FAM171A2: variants seen among roughly 807,000 people sequenced by gnomAD.
FAM171A2 encodes the protein family with sequence similarity 171 member A2, also known as protein FAM171A2.
In FAM171A2, 13 loss-of-function variants were observed where a neutral mutation model predicts 34.2. The observed-to-expected ratio is 0.38, with a 90% CI of 0.25 to 0.60. FAM171A2 has a LOEUF of 0.60. Ranked by LOEUF, FAM171A2 falls within the 20% of genes least tolerant of loss-of-function variation. FAM171A2 has a pLI of 0.62. For synonymous variants in FAM171A2, 475 were observed against 561.2 expected (o/e 0.85, Z 2.17); for missense variants, 950 against 1,180.7 (o/e 0.80, Z 2.86).
chr17:44,354,538 C>T lies in FAM171A2; in HGVS notation c.1676G>A (p.Gly559Asp). 8.5e-7 allele frequency: 1 copy of T among 1,182,008 alleles called. No individual in the cohort carries two copies. Among genetic ancestry groups the T allele is most frequent in the South Asian group, 4.2e-5 (1 of 23,970 alleles). The allele number at this position is 1,182,008 out of a possible 1,614,324, so 73.2% of individuals were successfully genotyped here. A position where few individuals can be genotyped will look rare whatever the true frequency, so the allele number is the denominator to read the frequency against. ...GCCCTCCGGCGGGGCCGGCTCGTCG[C>T]CCACGCCGGCGGCGCCCGCCTCGCC... ...LGGEAGAAGVGDEPAPPEGTA... is the reference protein window; with the variant it reads ...LGGEAGAAGVDDEPAPPEGTA... Residue 559 changes from glycine (G) to aspartate (D), a missense_variant, in exon 8 of 8, where the codon GGC becomes GAC. Physicochemically the swap from Gly to Asp is moderately conservative, Grantham distance 94. Coordinates refer to ENST00000293443, the MANE Select transcript of FAM171A2 (RefSeq NM_198475.3). The surrounding 1 kb of genome is among the most constrained non-coding windows in gnomAD (Gnocchi z 5.8).
chr17:44,359,828 C>T, intron 2 of FAM171A2, 77 bp downstream of exon 2: 1 of 1,451,022 alleles, frequency 6.9e-7, no homozygotes, highest in Non-Finnish European at 9.3e-7. Flanking sequence ...CCCCTCCACC[C>T]CCAAGGAGAC....
At chr17:44,359,172 C>CGA (rs1371706040) in intron 3 of FAM171A2, 2 of 186,064 alleles carry the variant, frequency 1.1e-5, no homozygotes, top group Non-Finnish European at 2.2e-5. Flanking sequence ...ACTAGCTGAG[C>CGA]GAGACCAAAA....
Position 44,353,557 on chromosome 17 carries a change from C to T in FAM171A2, c.*176G>A. ...CCCTCCTCCCCGGCTTGGAGGCAGA[C>T]ACAGGGTCCCTTGCAAGACACGACC... On this transcript the variant is annotated 3_prime_UTR_variant, in exon 8 of 8. Transcript: ENST00000293443. The T allele has an allele frequency of 2.6e-6, 1 of 386,294 alleles. No individual in the cohort carries two copies. The highest frequency in any genetic ancestry group is 4.1e-6 in the Non-Finnish European group (1 of 243,940). The allele number at this position is 386,294 out of a possible 1,614,324, so 23.9% of individuals were successfully genotyped here.
At chr17:44,357,759 T>TGGGGGGGG (rs2048431367) in intron 3 of FAM171A2, among the ~76,000 whole-genome samples, 5 of 74,476 alleles carry the variant, frequency 6.7e-5, no homozygotes, top group African/African-American at 3.6e-4. Flanking sequence ...GTGTGTGTGT[T>TGGGGGGGG]GGGGTGGAGG....
chr17:44,363,748 C>G lies in FAM171A2; in HGVS notation c.-34G>C, dbSNP rs2048458052. The G allele has an allele frequency of 9.4e-7, 1 of 1,058,628 alleles. No individual in the cohort carries two copies. Among genetic ancestry groups the G allele is most frequent in the South Asian group, 4.8e-5 (1 of 21,014 alleles). 65.6% of individuals were successfully genotyped at this position (1,058,628 alleles called of 1,614,324 possible). On this transcript the variant is annotated 5_prime_UTR_variant, in exon 1 of 8. Coordinates refer to ENST00000293443, the MANE Select transcript of FAM171A2 (RefSeq NM_198475.3). ...TAGGCCGGGCCCTAGCGGTCCATGG[C>G]TCCCGCCTGGTCCCGCTCGCCCGGC...
At chr17:44,358,603 A>G (rs1444933011) in intron 3 of FAM171A2, among the ~76,000 whole-genome samples, 2 of 152,034 alleles carry the variant, frequency 1.3e-5, no homozygotes, top group African/African-American at 4.8e-5. Context: ...AGGCAGGAGA[A>G]TCCCTTGAAC....
At chr17:44,361,373 G>A (rs1370088268) in intron 1 of FAM171A2, among the ~76,000 whole-genome samples, 3 of 152,316 alleles carry the variant, frequency 2.0e-5, no homozygotes, top group Non-Finnish European at 2.9e-5. Flanking sequence ...TGGGAAGTGG[G>A]CTGAGTGCTG....
At position 44,354,452 on chromosome 17, in the gene FAM171A2, C is replaced by A; in HGVS notation, c.1762G>T (p.Gly588Cys). Residue 588 changes from glycine to cysteine, a missense_variant, in exon 8 of 8, where the codon GGC becomes TGC. Around this residue, in one of 3 missense-constraint regions of FAM171A2, gnomAD observed 752 missense variants for 924.5 expected, o/e 0.81. Transcript: ENST00000293443. The surrounding 1 kb of genome is among the most constrained non-coding windows in gnomAD (Gnocchi z 5.8). ...QPDPQRPQMP[G>C]HSGPGGEGGG... ...CCCTCGCCCCCCGGGCCCGAGTGGC[C>A]CGGCATCTGCGGGCGCTGGGGGTCG... The A allele has an allele frequency of 9.1e-7, 1 of 1,094,370 alleles. No homozygotes were observed. Among genetic ancestry groups the A allele is most frequent in the Non-Finnish European group, 1.1e-6 (1 of 897,718 alleles). The allele number at this position is 1,094,370 out of a possible 1,614,324, so 67.8% of individuals were successfully genotyped here. A position where few individuals can be genotyped will look rare whatever the true frequency, so the allele number is the denominator to read the frequency against.
rs1024595336 is a variant in FAM171A2, at chr17:44,353,302, C to G, written c.*431G>C. 9 of 188,608 alleles carry G rather than the reference C, an allele frequency of 4.8e-5. No homozygotes were observed. Among genetic ancestry groups the G allele is most frequent in the Non-Finnish European group, 6.7e-5 (6 of 89,890 alleles). The allele number at this position is 188,608 out of a possible 1,614,324, so 11.7% of individuals were successfully genotyped here. ...CCCCAGAGCTGTCCCAGCCACCAGCCCTGTGACATCGTAGCCCAGAGATGG... is the reference window on the plus strand; with the variant it reads ...CCCCAGAGCTGTCCCAGCCACCAGCGCTGTGACATCGTAGCCCAGAGATGG... On this transcript the variant is annotated 3_prime_UTR_variant, in exon 8 of 8. Transcript: ENST00000293443.
intron 1 of FAM171A2, among the ~76,000 whole-genome samples, chr17:44,360,913 C>A (rs926078037): frequency 1.3e-5 from 2 of 152,360 alleles, no homozygotes; most frequent in South Asian, 4.1e-4. Context: ...CCTCCTCCCC[C>A]TCACATGAAC....
In FAM171A2 at chr17:44,353,527, A is replaced by AC. The variant is rs140215238; in HGVS notation, c.*205dup. On this transcript the variant is annotated 3_prime_UTR_variant, in exon 8 of 8. Transcript: ENST00000293443. Reference sequence around the variant, plus strand: ...CCGGCACCTCCCCGTGGGGGTCTGGACCCCCCCTCCTCCCCGGCTTGGAGG... The same window carrying AC: ...CCGGCACCTCCCCGTGGGGGTCTGGACCCCCCCCTCCTCCCCGGCTTGGAGG... 9,517 of 256,104 alleles carry AC rather than the reference A, an allele frequency of 0.037. 943 individuals are homozygous for AC. The highest frequency in any genetic ancestry group is 0.21 in the African/African-American group (8,907 of 42,232). 15.9% of individuals were successfully genotyped at this position (256,104 alleles called of 1,614,324 possible).
At position 44,354,549 on chromosome 17, in the gene FAM171A2, G is replaced by A. The variant is rs1408732776; in HGVS notation, c.1665C>T (p.Ala555=). 2.5e-6 allele frequency: 3 copies of A among 1,195,542 alleles called. No individual in the cohort carries two copies. Among genetic ancestry groups the A allele is most frequent in the Non-Finnish European group, 3.1e-6 (3 of 964,722 alleles). 74.1% of individuals were successfully genotyped at this position (1,195,542 alleles called of 1,614,324 possible). A position where few individuals can be genotyped will look rare whatever the true frequency, so the allele number is the denominator to read the frequency against. Residue 555 remains alanine (A), a synonymous_variant, in exon 8 of 8, where the codon GCC becomes GCT. Transcript: ENST00000293443. This position sits in a 1 kb window ranked among gnomAD's most constrained non-coding sequence, Gnocchi z 5.8. The part of the protein sequence containing the change: ...HYVRLGGEAG[A]AGVGDEPAPP... ...GGGCCGGCTCGTCGCCCACGCCGGC[G>A]GCGCCCGCCTCGCCGCCGAGGCGCA...
intron 1 of FAM171A2, among the ~76,000 whole-genome samples, chr17:44,362,114 G>A (rs529306501): frequency 6.6e-6 from 1 of 152,118 alleles, no homozygotes; most frequent in Admixed American, 6.5e-5. Flanking sequence ...GAAGGGAGGG[G>A]GCAGGTGCCT....
Position 44,354,012 on chromosome 17 carries a change from G to T in FAM171A2, c.2202C>A (p.Ser734Arg). 1 of 1,196,734 alleles carries T rather than the reference G, an allele frequency of 8.4e-7. No individual in the cohort carries two copies. Among genetic ancestry groups the T allele is most frequent in the Non-Finnish European group, 1.0e-6 (1 of 965,700 alleles). 74.1% of individuals were successfully genotyped at this position (1,196,734 alleles called of 1,614,324 possible). A position where few individuals can be genotyped will look rare whatever the true frequency, so the allele number is the denominator to read the frequency against. ...AGCAGAGGCCCGTGCGGCTCTCGCT[G>T]CTGCTGGGCTCCGTGTCCTCGCTGA... Reference protein sequence around the residue: ...LALSEDTEPSSSESRTGLCSP... With the variant: ...LALSEDTEPSRSESRTGLCSP... The change falls in exon 8 of 8, where the codon AGC becomes AGA. Residue 734 changes from serine (S) to arginine (R), a missense_variant. Ser to Arg is a moderately radical substitution (Grantham distance 110). Coordinates refer to ENST00000293443, the MANE Select transcript of FAM171A2 (RefSeq NM_198475.3). This position sits in a 1 kb window ranked among gnomAD's most constrained non-coding sequence, Gnocchi z 5.8.
At chr17:44,362,989 C>A (rs1439652233) in intron 1 of FAM171A2, among the ~76,000 whole-genome samples, 3 of 152,218 alleles carry the variant, frequency 2.0e-5, no homozygotes, top group Non-Finnish European at 2.9e-5. Flanking sequence ...CATAGGCTCA[C>A]AAGCATTTAT....
intron 3 of FAM171A2, among the ~76,000 whole-genome samples, chr17:44,357,180 T>C (rs2048427807): frequency 6.6e-6 from 1 of 151,818 alleles, no homozygotes; most frequent in African/African-American, 2.4e-5. Flanking sequence ...AAACCCTGAC[T>C]CTCTTAAAAA....
intron 3 of FAM171A2, 118 bp downstream of exon 3, chr17:44,359,461 G>T: frequency 1.3e-6 from 1 of 783,378 alleles, no homozygotes; most frequent in Non-Finnish European, 2.1e-6. Context: ...AGCAAATTAT[G>T]GCTCAGAGAG....
chr17:44,360,196 C>T (rs1433805459), intron 1 of FAM171A2, 64 bp from the exon 2 acceptor site: 6 of 1,361,486 alleles, frequency 4.4e-6, no homozygotes, highest in African/African-American at 1.4e-5. Flanking sequence ...TGGGGGGAGC[C>T]CCAAGATCAG....
Position 44,359,612 on chromosome 17 carries a change from C to T in FAM171A2, c.406G>A (p.Glu136Lys). The stretch of plus-strand genomic sequence containing the variant: ...CCTAGGAGAATGTGCACCAGGTCCT[C>T]ATAGAGGATGAGCGTGGCCGGCCGC... ...PERPATLILY[E>K]DLVHILLGSP... Residue 136 changes from glutamate (E) to lysine (K), a missense_variant, in exon 3 of 8, where the codon GAG becomes AAG. Glu to Lys is a moderately conservative substitution (Grantham distance 56). This residue lies in a region of FAM171A2 where 752 missense variants were observed against 924.5 expected (regional missense o/e 0.81). Transcript: ENST00000293443. The T allele has an allele frequency of 6.4e-7, 1 of 1,551,192 alleles. No individual in the cohort carries two copies. The highest frequency in any genetic ancestry group is 2.4e-5 in the East Asian group (1 of 40,910).
Sources: gnomAD v4.1 joint callset for allele counts (sites outside exome capture counted in the v4.1 genomes callset) on GRCh38, gnomAD v4.1.1 for gene constraint, gnomAD v4.1.1 regional missense constraint, Gnocchi (gnomAD v3.1) non-coding constraint, MANE v1.5 for transcripts, NCBI Gene and HGNC (gene_info 2026-07-23, HGNC 2026-07-21) for gene names.